Variants in EPHA6 observed in about 807,000 individuals in gnomAD.
EPHA6 encodes the protein EPH receptor A6.
A neutral mutation model predicts 112.0 loss-of-function variants in EPHA6; 50 were observed. That is an observed-to-expected ratio of 0.45 (90% CI 0.36 to 0.56). The LOEUF is 0.56. EPHA6 is among the 20% of genes least tolerant of loss of function. EPHA6 has a pLI of 0.00. For synonymous variants in EPHA6, 529 were observed against 490.7 expected, an observed-to-expected ratio of 1.08 and a Z score of -1.03; for missense variants, 1,280 against 1,417.4, an observed-to-expected ratio of 0.90 and a Z score of 1.56.
intron 6 of EPHA6, among the ~76,000 whole-genome samples, chr3:97,420,950 A>AT (rs1205233808): frequency 2.0e-5 from 3 of 152,104 alleles, no homozygotes; most frequent in Non-Finnish European, 2.9e-5. Context: ...AGATAAAAGG[A>AT]AAAGTTCCAA....
intron 3 of EPHA6, among the ~76,000 whole-genome samples, chr3:97,011,197 G>A (rs2107942647): frequency 6.6e-6 from 1 of 152,284 alleles, no homozygotes; most frequent in African/African-American, 2.4e-5. Flanking sequence ...TGTATAAGGG[G>A]ATTTTAAGGG....
chr3:96,991,268 G>A (rs1215024988), intron 3 of EPHA6, among the ~76,000 whole-genome samples: 1 of 152,152 alleles, frequency 6.6e-6, no homozygotes, highest in Non-Finnish European at 1.5e-5. Context: ...AGACAAAACA[G>A]CCCAAAATGT....
chr3:97,721,517 G>A (rs538590436), intron 15 of EPHA6, among the ~76,000 whole-genome samples: 6 of 152,256 alleles, frequency 3.9e-5, no homozygotes, highest in Admixed American at 2.0e-4. Flanking sequence ...AAAATGCTAG[G>A]TCCAGAAGTT....
intron 7 of EPHA6, among the ~76,000 whole-genome samples, chr3:97,451,808 C>CA (rs2090539625): frequency 6.6e-6 from 1 of 151,784 alleles, no homozygotes; most frequent in South Asian, 2.1e-4. Flanking sequence ...CTTTGTTTCT[C>CA]AAGTAGTGCC....
intron 3 of EPHA6, among the ~76,000 whole-genome samples, chr3:97,203,130 G>A (rs1230496486): frequency 2.0e-5 from 3 of 152,024 alleles, no homozygotes; most frequent in Non-Finnish European, 4.4e-5. Context: ...TATTAAGCAG[G>A]GTAAGTAAAT....
intron 2 of EPHA6, among the ~76,000 whole-genome samples, chr3:96,965,695 G>A (rs2042100161): frequency 6.6e-6 from 1 of 151,704 alleles, no homozygotes; most frequent in African/African-American, 2.4e-5. Context: ...TTTATATTTT[G>A]TACTTCAGAT....
chr3:97,593,023 C>G (rs537126932), intron 12 of EPHA6, among the ~76,000 whole-genome samples: 1 of 152,118 alleles, frequency 6.6e-6, no homozygotes, highest in East Asian at 1.9e-4. Context: ...ATATGTAACT[C>G]AAGAATAAAC....
chr3:97,683,864 G>C (rs1419371315), intron 14 of EPHA6, among the ~76,000 whole-genome samples: 4 of 152,094 alleles, frequency 2.6e-5, no homozygotes, highest in African/African-American at 7.2e-5. Flanking sequence ...TCATTAAGCT[G>C]TCCCAGAAGC....
intron 11 of EPHA6, among the ~76,000 whole-genome samples, chr3:97,577,282 T>C (rs2093395547): frequency 6.6e-6 from 1 of 152,062 alleles, no homozygotes; most frequent in Admixed American, 6.6e-5. Context: ...GAAAAGAAAA[T>C]TTGCATAAGA....
intron 7 of EPHA6, among the ~76,000 whole-genome samples, chr3:97,474,230 T>G (rs1316326513): frequency 2.6e-5 from 4 of 151,956 alleles, no homozygotes; most frequent in Non-Finnish European, 5.9e-5. Context: ...ATTATTATGT[T>G]AGAGACTTCT....
chr3:97,665,900 A>C (rs1240516908), intron 14 of EPHA6, among the ~76,000 whole-genome samples: 1 of 152,164 alleles, frequency 6.6e-6, no homozygotes, highest in Non-Finnish European at 1.5e-5. Context: ...TAAGAAAAAC[A>C]CAAAAAATTA....
chr3:97,632,818 C>G (rs1201648133), intron 13 of EPHA6, among the ~76,000 whole-genome samples: 1 of 152,090 alleles, frequency 6.6e-6, no homozygotes, highest in Non-Finnish European at 1.5e-5. Flanking sequence ...ATGACTAAGA[C>G]AGTGCACTTT....
At chr3:97,646,003 T>C in intron 14 of EPHA6, 1 of 704,050 alleles carries the variant, frequency 1.4e-6, no homozygotes, top group Middle Eastern at 4.3e-4. Context: ...GGGAGAGGTT[T>C]GTAATCTTCA....
Position 97,498,920 on chromosome 3 carries a change from GA to G in EPHA6, c.2200+14862del, listed in dbSNP as rs1487159283. On this transcript the variant is annotated intron_variant, in intron 10 of 17. Coordinates refer to ENST00000389672, the MANE Select transcript of EPHA6 (RefSeq NM_001080448.3). ...AGTTGCTCATGCCAAAAAGGTTGGG[GA>G]CCTCCACTCTATAAGATCTAACTGC... 2.6e-5 allele frequency among the ~76,000 whole-genome samples: 4 copies of G among 152,274 alleles called. No individual in the cohort carries two copies. In the East Asian group the frequency reaches 7.7e-4, roughly 29 times the overall value.
At chr3:97,625,281 T>C (rs2107516255) in intron 13 of EPHA6, among the ~76,000 whole-genome samples, 1 of 151,798 alleles carries the variant, frequency 6.6e-6, no homozygotes, top group Admixed American at 6.6e-5. Context: ...CTAATTCTCT[T>C]TGTGATTTCT....
chr3:97,092,354 A>G (rs2047098602), intron 3 of EPHA6, among the ~76,000 whole-genome samples: 1 of 152,074 alleles, frequency 6.6e-6, no homozygotes, highest in Admixed American at 6.6e-5. Context: ...AATGTTAATC[A>G]AATAGAGATC....
At chr3:97,157,355 G>T (rs1037174623) in intron 3 of EPHA6, among the ~76,000 whole-genome samples, 3 of 151,980 alleles carry the variant, frequency 2.0e-5, no homozygotes, top group African/African-American at 7.3e-5. Context: ...ATTTCCAGAG[G>T]TTATTTTTGT....
intron 4 of EPHA6, among the ~76,000 whole-genome samples, chr3:97,226,926 A>T (rs1254002258): frequency 6.6e-6 from 1 of 152,178 alleles, no homozygotes; most frequent in Non-Finnish European, 1.5e-5. Flanking sequence ...GTTTTTCCAC[A>T]TTTCACCTCT....
intron 10 of EPHA6, among the ~76,000 whole-genome samples, chr3:97,526,825 C>T (rs2092627722): frequency 6.6e-6 from 1 of 152,038 alleles, no homozygotes; most frequent in Non-Finnish European, 1.5e-5. Flanking sequence ...CCTTCAGGAC[C>T]TGCTGTGGGA....
Sources: gnomAD v4.1 joint callset for allele counts (sites outside exome capture counted in the v4.1 genomes callset) on GRCh38, gnomAD v4.1.1 for gene constraint, MANE v1.5 for transcripts, NCBI Gene and HGNC (gene_info 2026-07-23, HGNC 2026-07-21) for gene names.